PTGES3: variants seen among roughly 807,000 people sequenced by gnomAD.
PTGES3 encodes Hsp90 co-chaperone.
In PTGES3, 5 loss-of-function variants were observed where a neutral mutation model predicts 29.9. That is an observed-to-expected ratio of 0.17 (90% CI 0.09 to 0.35). PTGES3 has a LOEUF of 0.35. Among genes scored for constraint, PTGES3 ranks in the 10% least tolerant of loss-of-function variants. PTGES3 has a pLI of 1.00. For synonymous variants in PTGES3, 49 were observed against 57.8 expected (o/e 0.85, Z 0.69); for missense variants, 128 against 190.0 (o/e 0.67, Z 1.92).
intron 5 of PTGES3, among the ~76,000 whole-genome samples, chr12:56,666,746 C>A (rs141900298): frequency 0.019 from 2,914 of 152,188 alleles, 54 homozygotes; most frequent in Non-Finnish European, 0.028. Context: ...CATGCCTCGG[C>A]CTCCAGGGTA....
At chr12:56,669,294 G>A (rs924381764) in intron 5 of PTGES3, among the ~76,000 whole-genome samples, 3 of 152,168 alleles carry the variant, frequency 2.0e-5, no homozygotes, top group African/African-American at 7.2e-5. Flanking sequence ...CCGGGTTCAA[G>A]TGATTTTCCT....
intron 3 of PTGES3, among the ~76,000 whole-genome samples, chr12:56,672,208 A>T (rs534400455): frequency 6.6e-6 from 1 of 152,194 alleles, no homozygotes; most frequent in African/African-American, 2.4e-5. Flanking sequence ...CTATTCTTAG[A>T]TAAGGGAAGC....
At chr12:56,685,544 G>C (rs1190743711) in intron 1 of PTGES3, among the ~76,000 whole-genome samples, 1 of 151,352 alleles carries the variant, frequency 6.6e-6, no homozygotes, top group Non-Finnish European at 1.5e-5. Flanking sequence ...GGGACCACAG[G>C]CGCCCGCCAC....
chr12:56,685,492 C>G (rs899302699), intron 1 of PTGES3, among the ~76,000 whole-genome samples: 11 of 150,296 alleles, frequency 7.3e-5, no homozygotes, highest in African/African-American at 2.7e-4. Context: ...GCTCCGCCTT[C>G]CGGGTTCAAG....
chr12:56,664,325 G>A lies in PTGES3; in HGVS notation c.*154C>T, dbSNP rs1951713137. ...ATGGTACATATCAACCCTTAGTGAA[G>A]CCTTTTAAAAAACAAACAGGTTGAA... On this transcript the variant is annotated 3_prime_UTR_variant, in exon 8 of 8. Transcript: ENST00000262033. The A allele has an allele frequency of 2.5e-6, 2 of 801,336 alleles. No individual in the cohort carries two copies. Among genetic ancestry groups the A allele is most frequent in the Admixed American group, 5.5e-5 (2 of 36,048 alleles). 49.6% of individuals were successfully genotyped at this position (801,336 alleles called of 1,614,324 possible).
chr12:56,685,713 T>C (rs1478207126), intron 1 of PTGES3, among the ~76,000 whole-genome samples: 2 of 150,838 alleles, frequency 1.3e-5, no homozygotes, highest in East Asian at 3.9e-4. Context: ...AAGTAGCATT[T>C]TTATTTTTTA....
chr12:56,676,645 A>G (rs1273512755), intron 1 of PTGES3, among the ~76,000 whole-genome samples: 2 of 152,122 alleles, frequency 1.3e-5, no homozygotes, highest in Non-Finnish European at 2.9e-5. Context: ...TTGATAGAAA[A>G]GTGCTAAGTG....
chr12:56,674,775 G>C (rs2137643258), intron 1 of PTGES3, among the ~76,000 whole-genome samples: 1 of 129,752 alleles, frequency 7.7e-6, no homozygotes, highest in African/African-American at 2.9e-5. Context: ...GCAGTGAGCT[G>C]AGATCAGGCC....
intron 1 of PTGES3, among the ~76,000 whole-genome samples, chr12:56,680,164 G>C (rs1169094228): frequency 6.7e-6 from 1 of 150,158 alleles, no homozygotes; most frequent in African/African-American, 2.5e-5. Context: ...CTTCACTTCC[G>C]GGGTTCAGGT....
At chr12:56,687,021 A>C (rs968659615) in intron 1 of PTGES3, 25 of 391,892 alleles carry the variant, frequency 6.4e-5, no homozygotes, top group African/African-American at 6.2e-5. Flanking sequence ...AAAAAAAAAA[A>C]AAAAAAAAAC....
rs1260287560 is a variant in PTGES3, at chr12:56,687,757, G to T, written c.2+241C>A. 7.2e-6 allele frequency: 10 copies of T among 1,380,274 alleles called. No homozygotes were observed. The East Asian group carries it at 2.7e-4, about 38-fold the overall frequency. 85.5% of individuals were successfully genotyped at this position (1,380,274 alleles called of 1,614,324 possible). A position where few individuals can be genotyped will look rare whatever the true frequency, so the allele number is the denominator to read the frequency against. ...AACCCAGACAGCCAAAGGGGTAAAA[G>T]TAGGATTTCCGGCATGGGGAAGCCA... On this transcript the variant is annotated intron_variant, in intron 1 of 7. Transcript: ENST00000262033.
chr12:56,671,915 C>A, intron 3 of PTGES3, 68 bp from the exon 4 acceptor site: 2 of 921,320 alleles, frequency 2.2e-6, no homozygotes, highest in South Asian at 2.5e-5. Flanking sequence ...AATAGCTTGT[C>A]ATTTCTCACC....
chr12:56,688,167 C>A lies in PTGES3; in HGVS notation c.-168G>T, dbSNP rs1952978368. On this transcript the variant is annotated 5_prime_UTR_variant, in exon 1 of 8. Transcript: ENST00000262033. Reference sequence around the variant, plus strand: ...GGCAGCGGCGGGCTCGACCTCGGGCCCCAGAATGCACCGCGCGGAAAGAGC... The same window carrying A: ...GGCAGCGGCGGGCTCGACCTCGGGCACCAGAATGCACCGCGCGGAAAGAGC... 2.4e-6 allele frequency: 3 copies of A among 1,265,716 alleles called. No homozygotes were observed. The highest frequency in any genetic ancestry group is 1.6e-5 in the African/African-American group (1 of 63,388). 78.4% of individuals were successfully genotyped at this position (1,265,716 alleles called of 1,614,324 possible).
At chr12:56,671,017 G>C (rs559529663) in intron 4 of PTGES3, among the ~76,000 whole-genome samples, 3 of 152,132 alleles carry the variant, frequency 2.0e-5, no homozygotes, top group Admixed American at 6.5e-5. Flanking sequence ...GGTGAGGTGG[G>C]TGGGAGGATC....
At chr12:56,687,734 C>G (rs935371185) in intron 1 of PTGES3, 2 of 1,364,094 alleles carry the variant, frequency 1.5e-6, no homozygotes, top group Admixed American at 7.2e-5. Context: ...AGGCGAGTAA[C>G]CCAGACAGCC....
chr12:56,683,497 A>AAAAAAAAAAAAG (rs1952659371), intron 1 of PTGES3, among the ~76,000 whole-genome samples: 1 of 147,260 alleles, frequency 6.8e-6, no homozygotes, highest in Non-Finnish European at 1.5e-5. Flanking sequence ...AAAAAAAAAA[A>AAAAAAAAAAAAG]AAAATTAGCC....
At chr12:56,687,486 C>T (rs539200325) in intron 1 of PTGES3, 44 of 992,316 alleles carry the variant, frequency 4.4e-5, no homozygotes, top group Non-Finnish European at 5.3e-5. Flanking sequence ...CTTCTAGTTG[C>T]CTAGCAGTAC....
At chr12:56,669,969 TAA>T (rs5798391) in intron 5 of PTGES3, among the ~76,000 whole-genome samples, 21 of 133,452 alleles carry the variant, frequency 1.6e-4, no homozygotes, top group African/African-American at 1.9e-4. Flanking sequence ...AATCATGCTT[TAA>T]AAAAAAAAAA....
At position 56,679,776 on chromosome 12, in the gene PTGES3, G is replaced by T. The variant is rs143221279; in HGVS notation, c.3-6711C>A. Among the ~76,000 whole-genome samples the T allele has an allele frequency of 1.2e-3, 188 of 152,238 alleles. 4 individuals carry two copies. The highest frequency in any genetic ancestry group is 4.5e-3 in the African/African-American group (185 of 41,560). On this transcript the variant is annotated intron_variant, in intron 1 of 7. Coordinates refer to ENST00000262033, the MANE Select transcript of PTGES3 (RefSeq NM_006601.7). Reference sequence around the variant, plus strand: ...CGCAACCTCCACCTCCCAGGTTGAAGCAATTCTTCTGCCTTAGCCTCCCGA... The same window carrying T: ...CGCAACCTCCACCTCCCAGGTTGAATCAATTCTTCTGCCTTAGCCTCCCGA...
Sources: gnomAD v4.1 joint callset for allele counts (sites outside exome capture counted in the v4.1 genomes callset) on GRCh38, gnomAD v4.1.1 for gene constraint, MANE v1.5 for transcripts, NCBI Gene and HGNC (gene_info 2026-07-23, HGNC 2026-07-21) for gene names.